Variants in GREM2 observed in about 807,000 individuals in gnomAD.
The protein encoded by GREM2 is gremlin 2, DAN family BMP antagonist, also known as gremlin-2.
In GREM2, 11 loss-of-function variants were observed where a neutral mutation model predicts 14.2. The ratio of observed to expected loss-of-function variants is 0.78; its 90% confidence interval spans 0.49 to 1.28. GREM2 has a LOEUF of 1.28. Ranked by LOEUF, GREM2 falls within the 50% of genes most tolerant of loss-of-function variation. The pLI, the probability that GREM2 is intolerant of heterozygous loss-of-function variation, is 0.00. For missense variants in GREM2, 210 were observed against 218.5 expected, an observed-to-expected ratio of 0.96 and a Z score of 0.24; for synonymous variants, 98 against 97.6, an observed-to-expected ratio of 1.00 and a Z score of -0.02.
chr1:240,577,920 C>G (rs1679402780), intron 1 of GREM2, among the ~76,000 whole-genome samples: 1 of 152,056 alleles, frequency 6.6e-6, no homozygotes, highest in African/African-American at 2.4e-5. Context: ...ACAAAATATC[C>G]AAGAGTTCAA....
At chr1:240,552,352 G>C (rs748079011) in intron 1 of GREM2, among the ~76,000 whole-genome samples, 9 of 152,056 alleles carry the variant, frequency 5.9e-5, no homozygotes, top group African/African-American at 1.7e-4. Context: ...AGGCTGAGGT[G>C]GGGGGGTCGC....
At chr1:240,593,838 C>T (rs752059829) in intron 1 of GREM2, among the ~76,000 whole-genome samples, 3 of 151,946 alleles carry the variant, frequency 2.0e-5, no homozygotes, top group African/African-American at 7.2e-5. Context: ...TTCTCCTTGC[C>T]GTTTCTTTGC....
chr1:240,582,797 C>CA lies in GREM2; in HGVS notation c.-2+29086dup, dbSNP rs112575967. 1.0e-3 allele frequency among the ~76,000 whole-genome samples: 143 copies of CA among 139,800 alleles called. 1 individual carries two copies. Among genetic ancestry groups the CA allele is most frequent in the Middle Eastern group, 3.9e-3 (1 of 258 alleles). The allele number at this position is 139,800 out of a possible 152,430, so 91.7% of individuals were successfully genotyped here. A position where few individuals can be genotyped will look rare whatever the true frequency, so the allele number is the denominator to read the frequency against. On this transcript the variant is annotated intron_variant, in intron 1 of 1. Coordinates refer to ENST00000318160, the MANE Select transcript of GREM2 (RefSeq NM_022469.4). The stretch of plus-strand genomic sequence containing the variant: ...GGGCTAGAAGAGCAAAACTCTGTCT[C>CA]AAAAAAAAAAAAAGAGAAATTTGTT...
chr1:240,549,104 G>A (rs1258952309), intron 1 of GREM2, among the ~76,000 whole-genome samples: 2 of 152,154 alleles, frequency 1.3e-5, no homozygotes, highest in Non-Finnish European at 2.9e-5. Flanking sequence ...GGGAGGCCAA[G>A]GCGGGTGGAT....
intron 1 of GREM2, among the ~76,000 whole-genome samples, chr1:240,586,953 C>T (rs1305199579): frequency 5.3e-5 from 8 of 152,066 alleles, no homozygotes; most frequent in African/African-American, 1.9e-4. Context: ...TACGTGTCAC[C>T]AAAGCAATCA....
chr1:240,586,610 G>T (rs1003190412), intron 1 of GREM2, among the ~76,000 whole-genome samples: 1 of 152,158 alleles, frequency 6.6e-6, no homozygotes. Context: ...CATGAACCAG[G>T]CTCCCAACCC....
intron 1 of GREM2, among the ~76,000 whole-genome samples, chr1:240,559,840 G>T (rs1173168748): frequency 6.6e-6 from 1 of 152,158 alleles, no homozygotes; most frequent in Non-Finnish European, 1.5e-5. Context: ...ACTGTAGTCT[G>T]GCATTTTAAT....
At position 240,492,663 on chromosome 1, in the gene GREM2, C is replaced by T. The variant is rs983557184; in HGVS notation, c.*306G>A. On this transcript the variant is annotated 3_prime_UTR_variant, in exon 2 of 2. Transcript: ENST00000318160. Reference sequence around the variant, plus strand: ...CAATGCCGGATTTACAGTGCATCACCTCGAAAGGTCCTCTCTGACTGCTGG... The same window carrying T: ...CAATGCCGGATTTACAGTGCATCACTTCGAAAGGTCCTCTCTGACTGCTGG... 6.8e-5 allele frequency: 15 copies of T among 219,424 alleles called. No individual in the cohort carries two copies. Among genetic ancestry groups the T allele is most frequent in the Non-Finnish European group, 1.2e-4 (13 of 112,348 alleles). 13.6% of individuals were successfully genotyped at this position (219,424 alleles called of 1,614,324 possible).
At chr1:240,563,018 G>GTA (rs1266736466) in intron 1 of GREM2, among the ~76,000 whole-genome samples, 1 of 150,526 alleles carries the variant, frequency 6.6e-6, no homozygotes, top group African/African-American at 2.4e-5. Flanking sequence ...GTGTATGTGT[G>GTA]TATGTGTGTA....
chr1:240,573,412 A>C (rs1416894477), intron 1 of GREM2, among the ~76,000 whole-genome samples: 1 of 152,206 alleles, frequency 6.6e-6, no homozygotes. Context: ...AGAACTCTAC[A>C]CAGCATTATT....
At chr1:240,602,276 A>T (rs1450594219) in intron 1 of GREM2, among the ~76,000 whole-genome samples, 1 of 152,178 alleles carries the variant, frequency 6.6e-6, no homozygotes, top group African/African-American at 2.4e-5. Context: ...TTATTTGGGT[A>T]CTTAGTGGGC....
chr1:240,595,416 A>T (rs1194817186), intron 1 of GREM2, among the ~76,000 whole-genome samples: 1 of 152,060 alleles, frequency 6.6e-6, no homozygotes. Flanking sequence ...GTTATACTTC[A>T]TCCCCTCCCC....
chr1:240,505,334 T>C (rs1406931945), intron 1 of GREM2, among the ~76,000 whole-genome samples: 1 of 152,198 alleles, frequency 6.6e-6, no homozygotes, highest in Non-Finnish European at 1.5e-5. Context: ...TAATACAGTA[T>C]GTATTGCATA....
intron 1 of GREM2, among the ~76,000 whole-genome samples, chr1:240,532,107 G>A (rs763770943): frequency 2.0e-5 from 3 of 150,978 alleles, no homozygotes; most frequent in Non-Finnish European, 2.9e-5. Flanking sequence ...ACAGAGTCTC[G>A]CTCTTGTCTC....
chr1:240,553,688 T>C (rs1257022262), intron 1 of GREM2, among the ~76,000 whole-genome samples: 1 of 152,160 alleles, frequency 6.6e-6, no homozygotes, highest in Non-Finnish European at 1.5e-5. Context: ...CATGGAGAAA[T>C]ATAATGAAAT....
rs933864147 is a variant in GREM2 at position 240,516,295 on chromosome 1, C to T, written c.-1-22819G>A. ...CTCTTAGTGGTAATTCTTTAGGAAGCGCAAAATGATCTTAGGTCAGACCTG... is the reference window on the plus strand; with the variant it reads ...CTCTTAGTGGTAATTCTTTAGGAAGTGCAAAATGATCTTAGGTCAGACCTG... On this transcript the variant is annotated intron_variant, in intron 1 of 1. Coordinates refer to ENST00000318160, the MANE Select transcript of GREM2 (RefSeq NM_022469.4). Among the ~76,000 whole-genome samples, 12 of 152,016 alleles carry T rather than the reference C, an allele frequency of 7.9e-5. No individual in the cohort carries two copies. The South Asian group carries it at 1.0e-3, about 13-fold the overall frequency.
At chr1:240,574,717 G>C (rs958240030) in intron 1 of GREM2, among the ~76,000 whole-genome samples, 1 of 152,042 alleles carries the variant, frequency 6.6e-6, no homozygotes, top group Non-Finnish European at 1.5e-5. Flanking sequence ...AACAGTCTTG[G>C]TGATCAGTAT....
intron 1 of GREM2, among the ~76,000 whole-genome samples, chr1:240,554,411 C>G (rs1478687482): frequency 7.3e-6 from 1 of 137,840 alleles, no homozygotes; most frequent in Admixed American, 7.5e-5. Context: ...AACTCCGTCT[C>G]GAAAAAAAAA....
intron 1 of GREM2, among the ~76,000 whole-genome samples, chr1:240,589,974 C>T (rs189026881): frequency 6.6e-6 from 1 of 152,136 alleles, no homozygotes; most frequent in East Asian, 1.9e-4. Context: ...AAATGCAGTA[C>T]GTGTTCAAGT....
Sources: allele counts gnomAD v4.1 joint callset (sites outside exome capture counted in the v4.1 genomes callset), GRCh38; gene constraint gnomAD v4.1.1; transcripts MANE v1.5; gene names NCBI Gene and HGNC (gene_info 2026-07-23, HGNC 2026-07-21).